PRKG1: variants seen among roughly 807,000 people sequenced by gnomAD.
PRKG1 encodes protein kinase cGMP-dependent 1, also known as cGMP-dependent protein kinase 1.
In PRKG1, 35 loss-of-function variants were observed where a neutral mutation model predicts 88.1. The observed-to-expected ratio is 0.40, with a 90% confidence interval of 0.30 to 0.53. The LOEUF is 0.53. PRKG1 is among the 20% of genes least tolerant of loss of function. The probability of loss-of-function intolerance (pLI) is 0.59; values close to 1 mark genes in which losing one functional copy is unlikely to be tolerated. For synonymous variants in PRKG1, 303 were observed against 292.5 expected, an observed-to-expected ratio of 1.04 and a Z score of -0.37; for missense variants, 540 against 839.8, an observed-to-expected ratio of 0.64 and a Z score of 4.41.
intron 2 of PRKG1, among the ~76,000 whole-genome samples, chr10:51,292,548 T>C (rs1423919009): frequency 6.6e-6 from 1 of 152,308 alleles, no homozygotes; most frequent in East Asian, 1.9e-4. Flanking sequence ...GTCATGTTTA[T>C]TTTTAAAGTG....
chr10:51,907,398 C>G, intron 4 of PRKG1, 109 bp from the exon 5 acceptor site: 2 of 769,656 alleles, frequency 2.6e-6, no homozygotes, highest in Non-Finnish European at 1.9e-6. Context: ...TTGGCAGATT[C>G]CTTGTCATGA....
At chr10:51,945,188 T>C (rs1486353548) in intron 5 of PRKG1, among the ~76,000 whole-genome samples, 1 of 149,226 alleles carries the variant, frequency 6.7e-6, no homozygotes, top group Non-Finnish European at 1.5e-5. Context: ...CTTGTTGAAT[T>C]GATCCCTTTA....
intron 3 of PRKG1, among the ~76,000 whole-genome samples, chr10:51,612,848 A>G (rs577025747): frequency 2.0e-5 from 3 of 152,002 alleles, no homozygotes; most frequent in Non-Finnish European, 2.9e-5. Context: ...AATTTTATCA[A>G]ATGATTTTTC....
At chr10:52,039,757 T>C (rs1185008926) in intron 5 of PRKG1, among the ~76,000 whole-genome samples, 1 of 152,188 alleles carries the variant, frequency 6.6e-6, no homozygotes, top group Non-Finnish European at 1.5e-5. Context: ...TTCTGTATAC[T>C]ATATTTGGTA....
rs375899045 is a variant in PRKG1, at chr10:51,973,061, G to T, written c.762+65491G>T. 2.6e-5 allele frequency among the ~76,000 whole-genome samples: 4 copies of T among 152,154 alleles called. No homozygotes were observed. In the South Asian group the frequency reaches 8.3e-4, roughly 32 times the overall value. On this transcript the variant is annotated intron_variant, in intron 5 of 17. Transcript: ENST00000373980. Reference sequence around the variant, plus strand: ...CCACATGAGGCAGCGGCACTTTGGAGCAACAGGATCAGCCCAAGATTCAAC... The same window carrying T: ...CCACATGAGGCAGCGGCACTTTGGATCAACAGGATCAGCCCAAGATTCAAC...
intron 1 of PRKG1, among the ~76,000 whole-genome samples, chr10:51,121,088 C>G (rs1451222999): frequency 6.6e-6 from 1 of 152,178 alleles, no homozygotes; most frequent in Admixed American, 6.6e-5. Context: ...TCCAGTCTTT[C>G]TCATATTGCA....
At chr10:52,224,808 CATATATATATATATAT>C (rs71032630) in intron 9 of PRKG1, among the ~76,000 whole-genome samples, 9 of 106,370 alleles carry the variant, frequency 8.5e-5, no homozygotes, top group African/African-American at 1.9e-4. Context: ...AGTATTCCAT[CATATATATATATATAT>C]ATATATATAT....
intron 3 of PRKG1, among the ~76,000 whole-genome samples, chr10:51,669,209 T>G (rs550099473): frequency 1.3e-5 from 2 of 152,208 alleles, no homozygotes; most frequent in African/African-American, 4.8e-5. Flanking sequence ...TATTTTCCTA[T>G]AGTTCTGAGG....
At chr10:51,739,352 AT>A (rs1837372688) in intron 3 of PRKG1, among the ~76,000 whole-genome samples, 1 of 152,094 alleles carries the variant, frequency 6.6e-6, no homozygotes, top group Non-Finnish European at 1.5e-5. Flanking sequence ...ACCTAACAGT[AT>A]TTACTGTTTG....
intron 9 of PRKG1, among the ~76,000 whole-genome samples, chr10:52,208,869 T>C (rs1426404878): frequency 3.9e-5 from 6 of 152,180 alleles, no homozygotes; most frequent in African/African-American, 1.4e-4. Context: ...TATATTCTAA[T>C]GAAGTTTGTC....
chr10:51,273,344 C>T (rs1840029820), intron 2 of PRKG1, among the ~76,000 whole-genome samples: 1 of 115,394 alleles, frequency 8.7e-6, no homozygotes, highest in African/African-American at 3.6e-5. Context: ...AACTCCATCT[C>T]TTCCAAAAAA....
At chr10:51,624,227 A>T (rs1026354561) in intron 3 of PRKG1, among the ~76,000 whole-genome samples, 12 of 152,192 alleles carry the variant, frequency 7.9e-5, no homozygotes, top group African/African-American at 2.4e-4. Flanking sequence ...AGCAGTAATG[A>T]TTGACAAATA....
At chr10:51,350,940 G>A (rs1452148060) in intron 2 of PRKG1, among the ~76,000 whole-genome samples, 1 of 151,874 alleles carries the variant, frequency 6.6e-6, no homozygotes, top group Non-Finnish European at 1.5e-5. Flanking sequence ...GACAGGCCCT[G>A]GTGTGTGATG....
At chr10:51,106,237 T>G (rs184439882) in intron 1 of PRKG1, among the ~76,000 whole-genome samples, 255 of 152,308 alleles carry the variant, frequency 1.7e-3, no homozygotes, top group African/African-American at 5.9e-3. Context: ...GCCATCAAAT[T>G]AGCAAATTCA....
At chr10:51,735,755 G>A (rs2132478876) in intron 3 of PRKG1, among the ~76,000 whole-genome samples, 1 of 150,772 alleles carries the variant, frequency 6.6e-6, no homozygotes, top group East Asian at 2.0e-4. Flanking sequence ...TAATGACAAG[G>A]GAAAGTCTAT....
At chr10:52,210,561 T>C (rs916055630) in intron 9 of PRKG1, among the ~76,000 whole-genome samples, 1 of 152,226 alleles carries the variant, frequency 6.6e-6, no homozygotes, top group South Asian at 2.1e-4. Flanking sequence ...TATTAGAATA[T>C]AGCTTCCAGG....
At chr10:52,067,930 C>T (rs1373734646) in intron 7 of PRKG1, among the ~76,000 whole-genome samples, 4 of 144,876 alleles carry the variant, frequency 2.8e-5, no homozygotes, top group South Asian at 2.3e-4. Flanking sequence ...TGAGGCCGGG[C>T]GCAGTGGCTC....
chr10:51,153,461 G>T (rs767222039), intron 2 of PRKG1, 131 bp downstream of exon 2: 8 of 852,076 alleles, frequency 9.4e-6, no homozygotes, highest in Non-Finnish European at 1.0e-5. Context: ...AGTTTGAGAA[G>T]AGTTGAAACA....
At chr10:51,549,235 T>C (rs1392063067) in intron 3 of PRKG1, among the ~76,000 whole-genome samples, 4 of 149,188 alleles carry the variant, frequency 2.7e-5, no homozygotes, top group African/African-American at 9.9e-5. Context: ...GTGATTCTCC[T>C]GCCTCAGCCT....
Sources: allele counts gnomAD v4.1 joint callset (sites outside exome capture counted in the v4.1 genomes callset), GRCh38; gene constraint gnomAD v4.1.1; transcripts MANE v1.5; gene names NCBI Gene and HGNC (gene_info 2026-07-23, HGNC 2026-07-21).